Variants in GPR39 observed in about 807,000 individuals in gnomAD.
The protein encoded by GPR39 is G protein-coupled receptor 39.
A neutral mutation model predicts 18.4 loss-of-function variants in GPR39; 23 were observed. That is an observed-to-expected ratio of 1.25 (90% CI 0.90 to 1.77). GPR39 has a LOEUF of 1.77. GPR39 is among the 40% of genes most tolerant of loss of function. GPR39 has a pLI of 0.00. For missense variants in GPR39, 647 were observed against 602.4 expected (o/e 1.07, Z -0.78); for synonymous variants, 280 against 257.9 (o/e 1.09, Z -0.82).
chr2:132,550,666 A>G (rs1286704321), intron 1 of GPR39, among the ~76,000 whole-genome samples: 1 of 152,228 alleles, frequency 6.6e-6, no homozygotes, highest in African/African-American at 2.4e-5. Context: ...GTCAGATCTG[A>G]AGGGGACCCC....
At chr2:132,540,460 C>T (rs1679842563) in intron 1 of GPR39, among the ~76,000 whole-genome samples, 1 of 152,150 alleles carries the variant, frequency 6.6e-6, no homozygotes. Flanking sequence ...TGGTTTTTCC[C>T]ATTCCTGACA....
At chr2:132,508,963 T>C (rs369107479) in intron 1 of GPR39, among the ~76,000 whole-genome samples, 1 of 152,018 alleles carries the variant, frequency 6.6e-6, no homozygotes, top group Non-Finnish European at 1.5e-5. Context: ...AGCTCTTTGG[T>C]CTCCCAGAAG....
intron 1 of GPR39, among the ~76,000 whole-genome samples, chr2:132,441,834 C>G (rs185349008): frequency 6.6e-6 from 1 of 152,296 alleles, no homozygotes; most frequent in East Asian, 1.9e-4. Context: ...GACTGAAAGT[C>G]ACAAAATACC....
rs1181226174 is a variant in GPR39 at position 132,448,482 on chromosome 2, C to T, written c.856+30584C>T. Reference sequence around the variant, plus strand: ...GTTTCATGGATAAGAAGAGGTCAGTCGTCAGGTTACTGGGTGCTGACCCCT... The same window carrying T: ...GTTTCATGGATAAGAAGAGGTCAGTTGTCAGGTTACTGGGTGCTGACCCCT... On this transcript the variant is annotated intron_variant, in intron 1 of 1. Transcript: ENST00000329321. 3.3e-5 allele frequency among the ~76,000 whole-genome samples: 5 copies of T among 152,188 alleles called. No individual in the cohort carries two copies. In the East Asian group the frequency reaches 7.7e-4, roughly 23 times the overall value.
chr2:132,569,417 C>T (rs1250116097), intron 1 of GPR39, among the ~76,000 whole-genome samples: 1 of 152,052 alleles, frequency 6.6e-6, no homozygotes, highest in East Asian at 1.9e-4. Context: ...ATGCGTGGAG[C>T]CCACAAAACC....
chr2:132,549,818 G>T (rs1332105895), intron 1 of GPR39, among the ~76,000 whole-genome samples: 4 of 152,090 alleles, frequency 2.6e-5, no homozygotes, highest in African/African-American at 4.8e-5. Flanking sequence ...GACTTTCTAA[G>T]ATACACTCCC....
chr2:132,602,872 A>AAG (rs1553459511), intron 1 of GPR39, among the ~76,000 whole-genome samples: 2 of 2,638 alleles, frequency 7.6e-4, no homozygotes, highest in Non-Finnish European at 8.5e-3. Context: ...TTAAAAAGAG[A>AAG]AAAAAAAAAA....
rs564953503 is a variant in GPR39 at position 132,479,706 on chromosome 2, T to G, written c.856+61808T>G. ...TATCAAAAAACCAGAAAATAGCAAG[T>G]GTTGGAGAGCATATGGAGAAATTGG... On this transcript the variant is annotated intron_variant, in intron 1 of 1. Coordinates refer to ENST00000329321, the MANE Select transcript of GPR39 (RefSeq NM_001508.3). 2.2e-4 allele frequency among the ~76,000 whole-genome samples: 34 copies of G among 152,282 alleles called. 1 individual carries two copies. The highest frequency in any genetic ancestry group is 7.7e-4 in the African/African-American group (32 of 41,558).
intron 1 of GPR39, among the ~76,000 whole-genome samples, chr2:132,539,198 A>G (rs1379144590): frequency 6.6e-6 from 1 of 151,354 alleles, no homozygotes; most frequent in Non-Finnish European, 1.5e-5. Flanking sequence ...TAGATGCACA[A>G]GGGAATCTAC....
intron 1 of GPR39, among the ~76,000 whole-genome samples, chr2:132,535,987 C>T (rs568858426): frequency 1.5e-5 from 2 of 135,114 alleles, no homozygotes; most frequent in South Asian, 2.4e-4. Context: ...AGCTAGCAGT[C>T]CCTCTATTTT....
At chr2:132,558,469 A>G (rs1680193244) in intron 1 of GPR39, among the ~76,000 whole-genome samples, 1 of 152,140 alleles carries the variant, frequency 6.6e-6, no homozygotes, top group South Asian at 2.1e-4. Context: ...GAATTTCCAA[A>G]TGTTTGCATT....
intron 1 of GPR39, among the ~76,000 whole-genome samples, chr2:132,635,632 A>C (rs1317777563): frequency 1.3e-5 from 2 of 152,108 alleles, no homozygotes; most frequent in Admixed American, 6.5e-5. Flanking sequence ...TAAAGAAAAG[A>C]GATGGGGGAG....
intron 1 of GPR39, among the ~76,000 whole-genome samples, chr2:132,495,627 G>A (rs887045957): frequency 1.3e-5 from 2 of 152,106 alleles, no homozygotes; most frequent in Non-Finnish European, 2.9e-5. Flanking sequence ...CTTCCTTGCC[G>A]AACTCATCAG....
intron 1 of GPR39, among the ~76,000 whole-genome samples, chr2:132,581,047 TAAAA>T (rs1250257378): frequency 7.1e-6 from 1 of 139,986 alleles, no homozygotes; most frequent in Non-Finnish European, 1.6e-5. Context: ...GTATAAAGAT[TAAAA>T]AAAAAAAAGC....
At chr2:132,544,099 C>A (rs2104788166) in intron 1 of GPR39, among the ~76,000 whole-genome samples, 1 of 152,306 alleles carries the variant, frequency 6.6e-6, no homozygotes, top group Admixed American at 6.5e-5. Context: ...TCAGCACTTT[C>A]CATCTTGTGG....
rs1682079382 is a variant in GPR39, at chr2:132,646,383, A to ACAGCCCAGAGACTAGG, written c.*778_*793dup. 3 of 698,694 alleles carry ACAGCCCAGAGACTAGG rather than the reference A, an allele frequency of 4.3e-6. No individual in the cohort carries two copies. Among genetic ancestry groups the ACAGCCCAGAGACTAGG allele is most frequent in the Non-Finnish European group, 6.5e-6 (3 of 464,040 alleles). 43.3% of individuals were successfully genotyped at this position (698,694 alleles called of 1,614,324 possible). Reference sequence around the variant, plus strand: ...CGGACAGCTCTTCCTTACTCCTCCCACAGCCCAGAGACTAGGTGAGGTCAG... The same window carrying ACAGCCCAGAGACTAGG: ...CGGACAGCTCTTCCTTACTCCTCCCACAGCCCAGAGACTAGGCAGCCCAGAGACTAGGTGAGGTCAG... On this transcript the variant is annotated 3_prime_UTR_variant, in exon 2 of 2. Coordinates refer to ENST00000329321, the MANE Select transcript of GPR39 (RefSeq NM_001508.3).
chr2:132,619,697 A>G (rs1010657340), intron 1 of GPR39, among the ~76,000 whole-genome samples: 1 of 151,958 alleles, frequency 6.6e-6, no homozygotes, highest in African/African-American at 2.4e-5. Flanking sequence ...GATTAGACCT[A>G]CTTTCCTTGC....
At chr2:132,527,880 A>G (rs1049267740) in intron 1 of GPR39, among the ~76,000 whole-genome samples, 5 of 150,768 alleles carry the variant, frequency 3.3e-5, no homozygotes, top group South Asian at 2.1e-4. Flanking sequence ...CTTCACTCTG[A>G]TGATAGTTTT....
At chr2:132,533,191 T>C (rs1679674647) in intron 1 of GPR39, among the ~76,000 whole-genome samples, 3 of 151,890 alleles carry the variant, frequency 2.0e-5, no homozygotes, top group Admixed American at 6.5e-5. Context: ...AGCATTCTTA[T>C]ACACCAACAA....
Sources: allele counts gnomAD v4.1 joint callset (sites outside exome capture counted in the v4.1 genomes callset), GRCh38; gene constraint gnomAD v4.1.1; transcripts MANE v1.5; gene names NCBI Gene and HGNC (gene_info 2026-07-23, HGNC 2026-07-21).